ARHGAP26: variants seen among roughly 807,000 people sequenced by gnomAD.
The protein encoded by ARHGAP26 is rho GTPase-activating protein 26.
Under a neutral mutation model 104.8 loss-of-function variants are expected in ARHGAP26, and 38 were observed. That is an observed-to-expected ratio of 0.36 (90% CI 0.28 to 0.48). The LOEUF is 0.48. ARHGAP26 is among the 20% of genes least tolerant of loss of function. The pLI, the probability that ARHGAP26 is intolerant of heterozygous loss-of-function variation, is 0.99. For missense variants in ARHGAP26, 704 were observed against 947.9 expected (o/e 0.74, Z 3.38); for synonymous variants, 341 against 340.0 (o/e 1.00, Z -0.03).
At chr5:143,150,266 G>T (rs1338769126) in intron 20 of ARHGAP26, among the ~76,000 whole-genome samples, 2 of 152,186 alleles carry the variant, frequency 1.3e-5, no homozygotes, top group African/African-American at 4.8e-5. Context: ...CCAGACCCAT[G>T]CATGCCAAGC....
At chr5:142,816,835 C>T (rs946072373) in intron 1 of ARHGAP26, among the ~76,000 whole-genome samples, 12 of 152,110 alleles carry the variant, frequency 7.9e-5, no homozygotes, top group African/African-American at 2.9e-4. Context: ...TTAGTGTGAT[C>T]AGCACTGTGC....
intron 17 of ARHGAP26, among the ~76,000 whole-genome samples, chr5:143,068,734 G>T (rs575832393): frequency 2.4e-4 from 37 of 152,270 alleles, no homozygotes; most frequent in Non-Finnish European, 2.8e-4. Flanking sequence ...CCATTTTTCT[G>T]TGCTTTTCCC....
intron 1 of ARHGAP26, among the ~76,000 whole-genome samples, chr5:142,852,618 AT>A (rs1306501582): frequency 6.6e-6 from 1 of 152,056 alleles, no homozygotes; most frequent in Non-Finnish European, 1.5e-5. Context: ...ATGTTGATGC[AT>A]TTTGGCTGCT....
intron 13 of ARHGAP26, among the ~76,000 whole-genome samples, chr5:143,037,641 A>T (rs1191552966): frequency 6.6e-6 from 1 of 152,220 alleles, no homozygotes; most frequent in Non-Finnish European, 1.5e-5. Context: ...ATATTTCAAG[A>T]TATCCATAAT....
intron 1 of ARHGAP26, among the ~76,000 whole-genome samples, chr5:142,779,507 T>C (rs1757064961): frequency 6.6e-6 from 1 of 152,180 alleles, no homozygotes. Context: ...AACTGTTAAC[T>C]AGCTGGTTTC....
At chr5:142,819,051 A>C (rs545811684) in intron 1 of ARHGAP26, among the ~76,000 whole-genome samples, 23 of 152,296 alleles carry the variant, frequency 1.5e-4, no homozygotes, top group South Asian at 1.2e-3. Flanking sequence ...CTGCCTGCTC[A>C]GACCAGCTAA....
chr5:142,962,927 T>A (rs1021920656), intron 11 of ARHGAP26, among the ~76,000 whole-genome samples: 1 of 151,912 alleles, frequency 6.6e-6, no homozygotes, highest in African/African-American at 2.4e-5. Context: ...CCAATAGTTA[T>A]TTTTTTCCAA....
chr5:142,791,647 C>G (rs1027658478), intron 1 of ARHGAP26, among the ~76,000 whole-genome samples: 4 of 152,082 alleles, frequency 2.6e-5, no homozygotes, highest in Non-Finnish European at 5.9e-5. Context: ...TATATATTCT[C>G]CTCCCTACCC....
In ARHGAP26 at chr5:143,029,392, G is replaced by GTTTTTTTTTTTTT. The variant is rs536919888; in HGVS notation, c.1145-7786_1145-7774dup. On this transcript the variant is annotated intron_variant, in intron 12 of 22. Coordinates refer to ENST00000645722, the MANE Select transcript of ARHGAP26 (RefSeq NM_001135608.3). ...CATGTTAGAAATCCTTTACTTCTCA[G>GTTTTTTTTTTTTT]TTTTTTTTTTTTTTTTTTTTTTTTT... Among the ~76,000 whole-genome samples, 5 of 80,812 alleles carry GTTTTTTTTTTTTT rather than the reference G, an allele frequency of 6.2e-5. 1 individual carries two copies. Among genetic ancestry groups the GTTTTTTTTTTTTT allele is most frequent in the Non-Finnish European group, 4.9e-5 (2 of 40,684 alleles). The allele number at this position is 80,812 out of a possible 152,430, so 53.0% of individuals were successfully genotyped here.
chr5:143,135,601 T>G (rs1487866248), intron 19 of ARHGAP26, among the ~76,000 whole-genome samples: 1 of 152,204 alleles, frequency 6.6e-6, no homozygotes, highest in East Asian at 1.9e-4. Context: ...CCAAAACCCT[T>G]ACTGCACTTC....
At chr5:142,904,826 G>A (rs80078723) in intron 8 of ARHGAP26, among the ~76,000 whole-genome samples, 2,266 of 152,254 alleles carry the variant, frequency 0.015, 65 homozygotes, top group African/African-American at 0.052. Context: ...GTTCTTTCAT[G>A]TCCTGCTCTT....
At chr5:143,212,479 A>C (rs1181324038) in intron 21 of ARHGAP26, among the ~76,000 whole-genome samples, 1 of 152,144 alleles carries the variant, frequency 6.6e-6, no homozygotes, top group Admixed American at 6.5e-5. Context: ...CCTTGTCCTG[A>C]ACTTTATTCT....
intron 11 of ARHGAP26, among the ~76,000 whole-genome samples, chr5:143,000,689 A>G (rs1374762476): frequency 6.6e-6 from 1 of 152,250 alleles, no homozygotes; most frequent in Non-Finnish European, 1.5e-5. Context: ...ATGGAATACT[A>G]TGCAGCCATA....
intron 12 of ARHGAP26, among the ~76,000 whole-genome samples, chr5:143,024,173 A>G (rs893664144): frequency 1.3e-5 from 2 of 152,158 alleles, no homozygotes; most frequent in African/African-American, 4.8e-5. Context: ...TTGTTTTTGC[A>G]GATATTTTAT....
chr5:143,189,023 C>T (rs1003364594), intron 20 of ARHGAP26, among the ~76,000 whole-genome samples: 1 of 152,182 alleles, frequency 6.6e-6, no homozygotes, highest in Non-Finnish European at 1.5e-5. Context: ...ATTGAAAAGG[C>T]AAGCATTTGT....
At chr5:142,812,911 T>C (rs1042295563) in intron 1 of ARHGAP26, among the ~76,000 whole-genome samples, 8 of 151,654 alleles carry the variant, frequency 5.3e-5, no homozygotes, top group Non-Finnish European at 1.0e-4. Context: ...ATGTTAATTC[T>C]ATATAATTTC....
chr5:143,029,483 TA>T (rs1194974054), intron 12 of ARHGAP26, among the ~76,000 whole-genome samples: 1 of 145,066 alleles, frequency 6.9e-6, no homozygotes, highest in African/African-American at 2.6e-5. Flanking sequence ...TAGCCCATTG[TA>T]ACCTCAACCT....
intron 17 of ARHGAP26, among the ~76,000 whole-genome samples, chr5:143,069,769 T>C (rs1162816153): frequency 6.6e-6 from 1 of 152,238 alleles, no homozygotes; most frequent in Non-Finnish European, 1.5e-5. Flanking sequence ...AAATTTTAAC[T>C]CTGTGATGGA....
intron 11 of ARHGAP26, among the ~76,000 whole-genome samples, chr5:142,932,828 T>C (rs1764911261): frequency 6.6e-6 from 1 of 152,216 alleles, no homozygotes; most frequent in South Asian, 2.1e-4. Context: ...GGCTGGATAA[T>C]GCCAGCTGAT....
Sources: allele counts gnomAD v4.1 joint callset (sites outside exome capture counted in the v4.1 genomes callset), GRCh38; gene constraint gnomAD v4.1.1; transcripts MANE v1.5; gene names NCBI Gene and HGNC (gene_info 2026-07-23, HGNC 2026-07-21).